LCP2: variants seen among roughly 807,000 people sequenced by gnomAD.
LCP2 encodes lymphocyte cytosolic protein 2.
In LCP2, 29 loss-of-function variants were observed where a neutral mutation model predicts 74.5. That is an observed-to-expected ratio of 0.39 (90% confidence interval 0.29 to 0.53). The LOEUF (loss-of-function observed/expected upper bound fraction) is 0.53. Ranked by LOEUF, LCP2 falls within the 20% of genes least tolerant of loss-of-function variation. The pLI, the probability that LCP2 is intolerant of heterozygous loss-of-function variation, is 0.72. For synonymous variants in LCP2, 228 were observed against 229.5 expected (o/e 0.99, Z 0.06); for missense variants, 604 against 634.6 (o/e 0.95, Z 0.52).
intron 3 of LCP2, among the ~76,000 whole-genome samples, chr5:170,276,306 C>T (rs896160438): frequency 1.3e-5 from 2 of 152,130 alleles, no homozygotes; most frequent in African/African-American, 4.8e-5. Context: ...ATCTTCAGAC[C>T]ATCATCTAGA....
At chr5:170,276,589 A>C (rs559044215) in intron 3 of LCP2, among the ~76,000 whole-genome samples, 1 of 152,230 alleles carries the variant, frequency 6.6e-6, no homozygotes, top group East Asian at 1.9e-4. Context: ...GCAAATCCCC[A>C]AATCCCAGGA....
intron 10 of LCP2, among the ~76,000 whole-genome samples, chr5:170,263,653 T>C (rs539704060): frequency 9.2e-5 from 14 of 152,362 alleles, no homozygotes; most frequent in African/African-American, 3.1e-4. Context: ...CACAAAGTTA[T>C]TCAAAGTAAT....
intron 3 of LCP2, among the ~76,000 whole-genome samples, chr5:170,278,504 G>T (rs1762048376): frequency 8.5e-6 from 1 of 117,588 alleles, no homozygotes; most frequent in Non-Finnish European, 1.8e-5. Flanking sequence ...GTGCAGGGGT[G>T]GGGGGCTGGG....
chr5:170,285,470 G>T (rs574722234), intron 3 of LCP2, among the ~76,000 whole-genome samples: 69 of 152,170 alleles, frequency 4.5e-4, no homozygotes, highest in African/African-American at 1.6e-3. Flanking sequence ...GAATATTTTT[G>T]CATTCCTATA....
chr5:170,264,814 T>A (rs200452142), intron 10 of LCP2, among the ~76,000 whole-genome samples: 1 of 38,014 alleles, frequency 2.6e-5, no homozygotes, highest in Middle Eastern at 8.5e-3. Flanking sequence ...AAACTAAAAA[T>A]AAAAAAATAA....
intron 3 of LCP2, among the ~76,000 whole-genome samples, chr5:170,281,435 A>G (rs542091975): frequency 1.6e-4 from 25 of 152,292 alleles, no homozygotes; most frequent in Admixed American, 8.5e-4. Flanking sequence ...GCCTGCCACC[A>G]CACTCGGCTA....
chr5:170,251,635 C>A (rs1404756521), intron 19 of LCP2: 1 of 455,994 alleles, frequency 2.2e-6, no homozygotes, highest in Non-Finnish European at 4.4e-6. Flanking sequence ...TCCTTTGTTC[C>A]TTTTATTGCA....
chr5:170,255,635 TA>T (rs1761536676), intron 17 of LCP2, among the ~76,000 whole-genome samples: 1 of 152,252 alleles, frequency 6.6e-6, no homozygotes, highest in Non-Finnish European at 1.5e-5. Context: ...CAAGCATTTT[TA>T]AAGTGCCTAC....
At chr5:170,267,249 C>G (rs1761782378) in intron 8 of LCP2, 174 bp from the exon 9 acceptor site, 2 of 638,190 alleles carry the variant, frequency 3.1e-6, no homozygotes, top group Non-Finnish European at 2.7e-6. Context: ...GCTCCCTGTT[C>G]TAGACTCTGC....
intron 18 of LCP2, 112 bp downstream of exon 18, chr5:170,253,002 TAAATA>T (rs967926899): frequency 1.3e-4 from 86 of 657,324 alleles, no homozygotes; most frequent in Middle Eastern, 7.6e-4. Context: ...TTTTTTCAAA[TAAATA>T]AAATAAAACA....
At chr5:170,268,575 T>A in intron 7 of LCP2, 93 bp from the exon 8 acceptor site, 1 of 169,832 alleles carries the variant, frequency 5.9e-6, no homozygotes. Flanking sequence ...GCACCGGGGG[T>A]GCATGATCCT....
At chr5:170,268,087 G>C (rs867901545) in intron 8 of LCP2, among the ~76,000 whole-genome samples, 1 of 152,042 alleles carries the variant, frequency 6.6e-6, no homozygotes, top group African/African-American at 2.4e-5. Context: ...AGGAAGGCTC[G>C]GTACCCAGGC....
At chr5:170,293,262 A>G in intron 2 of LCP2, 48 bp downstream of exon 2, 1 of 1,567,178 alleles carries the variant, frequency 6.4e-7, no homozygotes, top group South Asian at 1.2e-5. Context: ...CATGGGGAAA[A>G]GTGCCGAACA....
rs1379333176 is a variant in LCP2 at position 170,256,744 on chromosome 5, G to A, written c.1101-169C>T. Among the ~76,000 whole-genome samples the A allele has an allele frequency of 6.6e-6, 1 of 152,090 alleles. No homozygotes were observed. The highest frequency in any genetic ancestry group is 1.5e-5 in the Non-Finnish European group (1 of 68,006). On this transcript the variant is annotated intron_variant, in intron 16 of 20. Coordinates refer to ENST00000046794, the MANE Select transcript of LCP2 (RefSeq NM_005565.5). This position sits in a 1 kb window ranked among gnomAD's most constrained non-coding sequence, Gnocchi z 4.5. Reference sequence around the variant, plus strand: ...CACAGGGACAGAACACAGCACACAGGGAATGGAACTACATTCCGCTGTGGA... The same window carrying A: ...CACAGGGACAGAACACAGCACACAGAGAATGGAACTACATTCCGCTGTGGA...
chr5:170,249,468 C>A (rs902014806), intron 20 of LCP2, among the ~76,000 whole-genome samples: 1 of 151,184 alleles, frequency 6.6e-6, no homozygotes, highest in Non-Finnish European at 1.5e-5. Context: ...GTCACTATTA[C>A]AATATTCTTG....
chr5:170,255,393 A>G (rs973129438), intron 17 of LCP2, among the ~76,000 whole-genome samples: 1 of 152,206 alleles, frequency 6.6e-6, no homozygotes, highest in African/African-American at 2.4e-5. Context: ...TTTCTACTGA[A>G]CACACACTGG....
chr5:170,292,117 C>G (rs1031692216), intron 2 of LCP2, among the ~76,000 whole-genome samples: 3 of 152,152 alleles, frequency 2.0e-5, no homozygotes, highest in African/African-American at 7.2e-5. Context: ...TTCTAGAAGG[C>G]AGAAATCACA....
At chr5:170,289,045 G>A (rs138454502) in intron 2 of LCP2, among the ~76,000 whole-genome samples, 1 of 152,172 alleles carries the variant, frequency 6.6e-6, no homozygotes, top group African/African-American at 2.4e-5. Flanking sequence ...AGATGGGCTG[G>A]GTTTGAATTT....
In LCP2 at chr5:170,270,840, C is replaced by G; in HGVS notation, c.402G>C (p.Glu134Asp). The G allele has an allele frequency of 2.5e-6, 4 of 1,612,576 alleles. No homozygotes were observed. Among genetic ancestry groups the G allele is most frequent in the Non-Finnish European group, 3.4e-6 (4 of 1,179,290 alleles). The change falls in exon 7 of 21, where the codon GAG (glutamate) becomes GAC (aspartate). Residue 134 changes from glutamate to aspartate, a missense_variant. Coordinates refer to ENST00000046794, the MANE Select transcript of LCP2 (RefSeq NM_005565.5). ...DDGDYESPNE[E>D]EEAPVEDDAD... ...CGTCATCTTCCACGGGTGCCTCTTC[C>G]TCCTCATTGGGGGACTCATAGTCTC... is the stretch of plus-strand genomic sequence containing the variant.
Sources: allele counts gnomAD v4.1 joint callset (sites outside exome capture counted in the v4.1 genomes callset), GRCh38; gene constraint gnomAD v4.1.1; non-coding constraint Gnocchi (gnomAD v3.1); transcripts MANE v1.5; gene names NCBI Gene and HGNC (gene_info 2026-07-23, HGNC 2026-07-21).